The following MTMR12 variants were observed in gnomAD, a reference collection of about 807,000 sequenced individuals.
The protein encoded by MTMR12 is myotubularin-related protein 12.
In MTMR12, 33 loss-of-function variants were observed where a neutral mutation model predicts 96.7. That is an observed-to-expected ratio of 0.34 (90% confidence interval 0.26 to 0.46). The LOEUF (loss-of-function observed/expected upper bound fraction) is 0.46. MTMR12 is among the 20% of genes least tolerant of loss of function. MTMR12 has a pLI of 1.00. For synonymous variants in MTMR12, 298 were observed against 327.2 expected, an observed-to-expected ratio of 0.91 and a Z score of 0.96; for missense variants, 721 against 896.1, an observed-to-expected ratio of 0.80 and a Z score of 2.49.
rs139269595 is a variant in MTMR12, at chr5:32,229,798, C to T, written c.2224G>A (p.Val742Met). ...ACAGGTCACACATCCCCTAGGTCCA[C>T]GAACTCATCTTCTCGTTTGGCCAAA... ...DDLAKREDEF[V>M]DLGDV Residue 742 changes from valine (V) to methionine (M), a missense_variant, in exon 16 of 16, where the codon GTG becomes ATG. Physicochemically the swap from Val to Met is conservative, Grantham distance 21. Transcript: ENST00000382142. The T allele has an allele frequency of 1.2e-3, 1,797 of 1,545,200 alleles. 1 individual carries two copies. Among genetic ancestry groups the T allele is most frequent in the Non-Finnish European group, 1.5e-3 (1,684 of 1,146,010 alleles).
intron 1 of MTMR12, among the ~76,000 whole-genome samples, chr5:32,281,874 T>C (rs1454684366): frequency 6.9e-6 from 1 of 144,474 alleles, no homozygotes; most frequent in Non-Finnish European, 1.5e-5. Context: ...CACTCCAGCC[T>C]GGGAGACAGT....
At chr5:32,273,911 G>GA (rs940431885) in intron 3 of MTMR12, 69 bp downstream of exon 3, 11 of 1,595,580 alleles carry the variant, frequency 6.9e-6, no homozygotes, top group South Asian at 3.4e-5. Context: ...GAGAAGCTGG[G>GA]AAAAAAAGAC....
intron 5 of MTMR12, among the ~76,000 whole-genome samples, chr5:32,269,993 G>C (rs1019703672): frequency 1.3e-5 from 2 of 152,082 alleles, no homozygotes; most frequent in East Asian, 3.9e-4. Flanking sequence ...TATTCTAACT[G>C]AACTACCACA....
chr5:32,290,552 A>AT (rs1178405508), intron 1 of MTMR12, among the ~76,000 whole-genome samples: 1 of 152,142 alleles, frequency 6.6e-6, no homozygotes, highest in African/African-American at 2.4e-5. Flanking sequence ...GCCTATTTGG[A>AT]TTTTGGAGGC....
chr5:32,299,880 C>T (rs915434467), intron 1 of MTMR12, among the ~76,000 whole-genome samples: 2 of 152,176 alleles, frequency 1.3e-5, no homozygotes, highest in Admixed American at 1.3e-4. Context: ...TGCCTGCTTG[C>T]TACATTATCC....
chr5:32,240,819 T>TC (rs1316421097), intron 12 of MTMR12, among the ~76,000 whole-genome samples: 3 of 152,198 alleles, frequency 2.0e-5, no homozygotes, highest in Non-Finnish European at 4.4e-5. Context: ...CAGGCTGGTC[T>TC]CCAACTCCTG....
chr5:32,305,375 G>A (rs1029449660), intron 1 of MTMR12, among the ~76,000 whole-genome samples: 2 of 151,956 alleles, frequency 1.3e-5, no homozygotes, highest in African/African-American at 2.4e-5. Context: ...GTGAGCCACC[G>A]CTCCTGGCCA....
chr5:32,301,664 G>A (rs1751146869), intron 1 of MTMR12, among the ~76,000 whole-genome samples: 1 of 152,222 alleles, frequency 6.6e-6, no homozygotes, highest in Non-Finnish European at 1.5e-5. Context: ...GCCGAGGTGG[G>A]TGGATCACCT....
chr5:32,261,593 T>C (rs1749360939), intron 7 of MTMR12, among the ~76,000 whole-genome samples: 1 of 152,196 alleles, frequency 6.6e-6, no homozygotes. Context: ...ACTTATCTAT[T>C]AACATGCTAT....
intron 1 of MTMR12, among the ~76,000 whole-genome samples, chr5:32,304,902 G>T (rs1032515032): frequency 2.6e-5 from 4 of 152,158 alleles, no homozygotes; most frequent in African/African-American, 9.7e-5. Flanking sequence ...AAAAGCAGAA[G>T]CTTTGGACAG....
At chr5:32,275,133 G>A (rs78181101) in intron 2 of MTMR12, among the ~76,000 whole-genome samples, 4,680 of 152,074 alleles carry the variant, frequency 0.031, 241 homozygotes, top group African/African-American at 0.11. Context: ...CCTTCAATAT[G>A]AAAACGAACA....
chr5:32,301,234 C>T (rs1475443092), intron 1 of MTMR12, among the ~76,000 whole-genome samples: 2 of 152,130 alleles, frequency 1.3e-5, no homozygotes, highest in Non-Finnish European at 2.9e-5. Flanking sequence ...AAGGAGAAGG[C>T]ACAAAGTATA....
chr5:32,255,477 G>T (rs1449420756), intron 8 of MTMR12, among the ~76,000 whole-genome samples: 1 of 152,156 alleles, frequency 6.6e-6, no homozygotes, highest in Non-Finnish European at 1.5e-5. Context: ...CTCTGTTCAT[G>T]TCTCTTCTAA....
At chr5:32,281,248 T>TAAAAAAA (rs72123716) in intron 1 of MTMR12, among the ~76,000 whole-genome samples, 1 of 107,466 alleles carries the variant, frequency 9.3e-6, no homozygotes, top group Non-Finnish European at 1.9e-5. Context: ...ACTCTATCAT[T>TAAAAAAA]AAAAAAAAAA....
chr5:32,252,766 G>A (rs955675718), intron 8 of MTMR12, among the ~76,000 whole-genome samples: 3 of 152,210 alleles, frequency 2.0e-5, no homozygotes, highest in African/African-American at 4.8e-5. Context: ...GAAGATAAAC[G>A]GCTTTGTTTT....
chr5:32,294,427 T>G (rs938675483), intron 1 of MTMR12, among the ~76,000 whole-genome samples: 3 of 152,088 alleles, frequency 2.0e-5, no homozygotes, highest in Non-Finnish European at 2.9e-5. Context: ...CTCAGCCTCC[T>G]TAGTAGCTGG....
intron 14 of MTMR12, among the ~76,000 whole-genome samples, chr5:32,234,368 A>G (rs1003829130): frequency 6.6e-6 from 1 of 152,146 alleles, no homozygotes; most frequent in African/African-American, 2.4e-5. Context: ...AGCCCTCAGG[A>G]GGCTGCTCAG....
rs779455702 is a variant in MTMR12, at chr5:32,276,873, C to CTT, written c.82-133_82-132dup. 1.5e-4 allele frequency: 19 copies of CTT among 123,766 alleles called. 1 individual carries two copies. Among genetic ancestry groups the CTT allele is most frequent in the South Asian group, 2.6e-4 (4 of 15,164 alleles). The allele number at this position is 123,766 out of a possible 1,614,324, so 7.7% of individuals were successfully genotyped here. A position where few individuals can be genotyped will look rare whatever the true frequency, so the allele number is the denominator to read the frequency against. ...AGCTTTTCGTTTATGTTACAAGCTACTTTTTTTTTTTTTTTTTTTTTTTTT... is the reference window on the plus strand; with the variant it reads ...AGCTTTTCGTTTATGTTACAAGCTACTTTTTTTTTTTTTTTTTTTTTTTTTTT... On this transcript the variant is annotated intron_variant, in intron 1 of 15. Coordinates refer to ENST00000382142, the MANE Select transcript of MTMR12 (RefSeq NM_001040446.3).
At position 32,229,784 on chromosome 5, in the gene MTMR12, A is replaced by T. The variant is rs767714345; in HGVS notation, c.2238T>A (p.Asp746Glu). ...CAATCACTCAACAAACAGGTCACAC[A>T]TCCCCTAGGTCCACGAACTCATCTT... is the stretch of plus-strand genomic sequence containing the variant. ...KREDEFVDLG[D>E]V The change falls in exon 16 of 16, where the codon GAT becomes GAA. Residue 746 changes from aspartate to glutamate, a missense_variant. Coordinates refer to ENST00000382142, the MANE Select transcript of MTMR12 (RefSeq NM_001040446.3). 10 of 1,523,930 alleles carry T rather than the reference A, an allele frequency of 6.6e-6. No individual in the cohort carries two copies. The highest frequency in any genetic ancestry group is 2.2e-5 in the Admixed American group (1 of 46,094). 94.4% of individuals were successfully genotyped at this position (1,523,930 alleles called of 1,614,324 possible).
Sources: allele counts gnomAD v4.1 joint callset (sites outside exome capture counted in the v4.1 genomes callset), GRCh38; gene constraint gnomAD v4.1.1; transcripts MANE v1.5; gene names NCBI Gene and HGNC (gene_info 2026-07-23, HGNC 2026-07-21).